The following CTNNA3 variants were observed in gnomAD, a reference collection of about 807,000 sequenced individuals.
CTNNA3 encodes catenin alpha-3.
A neutral mutation model predicts 95.7 loss-of-function variants in CTNNA3; 76 were observed. The observed-to-expected ratio is 0.79, with a 90% CI of 0.66 to 0.96. The LOEUF is 0.96. Among genes scored for constraint, CTNNA3 ranks in the 40% least tolerant of loss-of-function variants. The probability of loss-of-function intolerance (pLI) is 0.00; values close to 1 mark genes in which losing one functional copy is unlikely to be tolerated. For synonymous variants in CTNNA3, 431 were observed against 374.4 expected (o/e 1.15, Z -1.74); for missense variants, 1,191 against 1,089.8 (o/e 1.09, Z -1.31).
intron 9 of CTNNA3, among the ~76,000 whole-genome samples, chr10:66,741,799 T>C (rs1849334225): frequency 6.6e-6 from 1 of 152,198 alleles, no homozygotes; most frequent in Non-Finnish European, 1.5e-5. Context: ...TGAACATAAA[T>C]TGTGAAGATT....
chr10:67,237,399 G>A (rs1017329876), intron 5 of CTNNA3, among the ~76,000 whole-genome samples: 3 of 151,128 alleles, frequency 2.0e-5, no homozygotes, highest in African/African-American at 7.3e-5. Flanking sequence ...TGTGGAATTG[G>A]GGGAAGGGAT....
At chr10:67,232,267 T>C (rs1460444332) in intron 5 of CTNNA3, among the ~76,000 whole-genome samples, 1 of 152,146 alleles carries the variant, frequency 6.6e-6, no homozygotes, top group East Asian at 1.9e-4. Flanking sequence ...GAGACAAAGC[T>C]TGGGTTACCC....
At chr10:66,678,858 T>A (rs568432332) in intron 9 of CTNNA3, among the ~76,000 whole-genome samples, 88 of 152,202 alleles carry the variant, frequency 5.8e-4, no homozygotes, top group African/African-American at 2.1e-3. Flanking sequence ...CGCAAGTGTG[T>A]CAGTTTTATG....
At chr10:66,641,255 T>C (rs1370634934) in intron 9 of CTNNA3, among the ~76,000 whole-genome samples, 1 of 152,188 alleles carries the variant, frequency 6.6e-6, no homozygotes, top group African/African-American at 2.4e-5. Context: ...CACACATAGA[T>C]ATAACTACAT....
chr10:67,505,462 G>A (rs1839400695), intron 5 of CTNNA3, among the ~76,000 whole-genome samples: 1 of 152,128 alleles, frequency 6.6e-6, no homozygotes, highest in African/African-American at 2.4e-5. Flanking sequence ...AAAGTACCAA[G>A]AAGGGCTTCA....
chr10:65,936,262 T>C (rs1475233757), intron 17 of CTNNA3, among the ~76,000 whole-genome samples: 2 of 152,140 alleles, frequency 1.3e-5, no homozygotes, highest in African/African-American at 4.8e-5. Flanking sequence ...CTGGTATTAA[T>C]GTAGTTAGGT....
In CTNNA3 at chr10:66,286,982, T is replaced by G. The variant is rs935246340; in HGVS notation, c.1733-6361A>C. On this transcript the variant is annotated intron_variant, in intron 12 of 17. Transcript: ENST00000433211. Reference sequence around the variant, plus strand: ...CATATTTGAGGGTACATATGATAACTTAATACCTTCATGTAATTTGAAATC... The same window carrying G: ...CATATTTGAGGGTACATATGATAACGTAATACCTTCATGTAATTTGAAATC... Among the ~76,000 whole-genome samples the G allele has an allele frequency of 9.9e-5, 15 of 152,230 alleles. No homozygotes were observed. In the South Asian group the frequency reaches 2.9e-3, roughly 29 times the overall value.
At chr10:67,228,822 T>G (rs943476778) in intron 5 of CTNNA3, among the ~76,000 whole-genome samples, 1 of 152,076 alleles carries the variant, frequency 6.6e-6, no homozygotes, top group Non-Finnish European at 1.5e-5. Context: ...GAGATTGAAA[T>G]AGTAATTAAT....
intron 7 of CTNNA3, among the ~76,000 whole-genome samples, chr10:67,153,535 C>A (rs1483680735): frequency 6.6e-6 from 1 of 152,202 alleles, no homozygotes; most frequent in East Asian, 1.9e-4. Context: ...TGCCCCAGGG[C>A]ATAGAGAAGG....
intron 7 of CTNNA3, among the ~76,000 whole-genome samples, chr10:67,073,181 A>G (rs999786592): frequency 3.3e-5 from 5 of 152,170 alleles, no homozygotes; most frequent in African/African-American, 9.7e-5. Flanking sequence ...TCTAGGAACT[A>G]TATCTAATTT....
intron 10 of CTNNA3, among the ~76,000 whole-genome samples, chr10:66,545,916 GT>G (rs995383883): frequency 2.7e-5 from 4 of 150,322 alleles, no homozygotes; most frequent in African/African-American, 9.7e-5. Flanking sequence ...ATATACGTAT[GT>G]TTTATCTACA....
chr10:66,940,338 G>GA lies in CTNNA3; in HGVS notation c.1048-164815dup, dbSNP rs111613838. On this transcript the variant is annotated intron_variant, in intron 7 of 17. Transcript: ENST00000433211. The stretch of plus-strand genomic sequence containing the variant: ...GCAAGGCCTCATCTCTACAAAAAAT[G>GA]AAAAAAAATTACCTGGGTGTGATGG... 8.2e-3 allele frequency among the ~76,000 whole-genome samples: 1,237 copies of GA among 151,742 alleles called. 19 individuals carry two copies. The highest frequency in any genetic ancestry group is 0.028 in the African/African-American group (1,159 of 41,426).
intron 7 of CTNNA3, among the ~76,000 whole-genome samples, chr10:66,958,213 G>A (rs1848923902): frequency 6.6e-6 from 1 of 150,684 alleles, no homozygotes; most frequent in South Asian, 2.1e-4. Context: ...TATTCTAATT[G>A]GCCCAACTGA....
chr10:66,497,765 A>G (rs1840147121), intron 11 of CTNNA3, among the ~76,000 whole-genome samples: 1 of 152,144 alleles, frequency 6.6e-6, no homozygotes, highest in Non-Finnish European at 1.5e-5. Flanking sequence ...ACCACAGGCC[A>G]ATAACCAGAC....
chr10:67,447,753 G>A (rs1190104748), intron 5 of CTNNA3, among the ~76,000 whole-genome samples: 1 of 152,062 alleles, frequency 6.6e-6, no homozygotes. Context: ...ATGTGTATGT[G>A]TTTGTTTACC....
intron 5 of CTNNA3, among the ~76,000 whole-genome samples, chr10:67,244,227 C>A (rs890216423): frequency 6.6e-6 from 1 of 152,126 alleles, no homozygotes; most frequent in East Asian, 1.9e-4. Context: ...TTTAAAAAAC[C>A]AGTGATGATG....
chr10:65,988,162 A>G (rs2078466490), intron 16 of CTNNA3, among the ~76,000 whole-genome samples: 3 of 152,170 alleles, frequency 2.0e-5, no homozygotes, highest in Admixed American at 2.0e-4. Flanking sequence ...ATTTAAAAAT[A>G]GCTATATGAG....
Position 66,582,576 on chromosome 10 carries a change from T to C in CTNNA3, c.1374+39116A>G, listed in dbSNP as rs181037408. Among the ~76,000 whole-genome samples, 6 of 151,936 alleles carry C rather than the reference T, an allele frequency of 3.9e-5. No individual in the cohort carries two copies. The East Asian group carries it at 9.7e-4, about 25-fold the overall frequency. On this transcript the variant is annotated intron_variant, in intron 10 of 17. Transcript: ENST00000433211. ...GCTTTCTAGATATAAGATTATATCA[T>C]TGGCAAACAAAGATAATTTGACTCC...
At chr10:67,247,310 C>T (rs765773464) in intron 5 of CTNNA3, among the ~76,000 whole-genome samples, 1 of 152,102 alleles carries the variant, frequency 6.6e-6, no homozygotes. Context: ...TGATACAGTT[C>T]GCAAAAGGCA....
Sources: gnomAD v4.1 joint callset for allele counts (sites outside exome capture counted in the v4.1 genomes callset) on GRCh38, gnomAD v4.1.1 for gene constraint, MANE v1.5 for transcripts, NCBI Gene and HGNC (gene_info 2026-07-23, HGNC 2026-07-21) for gene names.